ULK2: variants seen among roughly 807,000 people sequenced by gnomAD.
ULK2 encodes the protein unc-51 like autophagy activating kinase 2.
Under a neutral mutation model 127.5 loss-of-function variants are expected in ULK2, and 76 were observed. The observed-to-expected ratio is 0.60, with a 90% confidence interval of 0.50 to 0.72. The LOEUF (loss-of-function observed/expected upper bound fraction) is 0.72, where lower values mean the gene tolerates loss of function less well. Ranked by LOEUF, ULK2 falls within the 30% of genes least tolerant of loss-of-function variation. ULK2 has a pLI of 0.00. For synonymous variants in ULK2, 452 were observed against 461.9 expected (o/e 0.98, Z 0.28); for missense variants, 1,144 against 1,295.9 (o/e 0.88, Z 1.80).
intron 10 of ULK2, among the ~76,000 whole-genome samples, chr17:19,829,568 T>G (rs1597781360): frequency 7.7e-5 from 8 of 103,396 alleles, no homozygotes; most frequent in Non-Finnish European, 1.4e-4. Flanking sequence ...CTGGGCACGG[T>G]AGCTCACGCC....
chr17:19,785,932 C>T lies in ULK2; in HGVS notation c.2251+5G>A. ...AAAGACTGTAATATAACAAATGCTC[C>T]TTACCTGAGGTTGTTCTTGTTCGAA... On this transcript the variant is annotated splice_donor_5th_base_variant and intron_variant, in intron 21 of 26. Coordinates refer to ENST00000395544, the MANE Select transcript of ULK2 (RefSeq NM_014683.4). The T allele has an allele frequency of 6.3e-7, 1 of 1,594,426 alleles. No individual in the cohort carries two copies. Among genetic ancestry groups the T allele is most frequent in the Non-Finnish European group, 8.5e-7 (1 of 1,172,140 alleles).
At chr17:19,810,677 A>C (rs2087618648) in intron 13 of ULK2, among the ~76,000 whole-genome samples, 1 of 152,210 alleles carries the variant, frequency 6.6e-6, no homozygotes. Context: ...TCTTCAAAAT[A>C]AAATGCCATA....
Position 19,783,782 on chromosome 17 carries a change from T to A in ULK2, c.2375A>T (p.Tyr792Phe). ...PGAEAAPSLR[Y>F]VPYGASPPSL... Reference sequence around the variant, plus strand: ...GGGGGGTGAAGCACCGTAAGGCACGTATCTCAGGCTGGGAGCTGCCTCTGC... The same window carrying A: ...GGGGGGTGAAGCACCGTAAGGCACGAATCTCAGGCTGGGAGCTGCCTCTGC... Residue 792 changes from tyrosine to phenylalanine, a missense_variant, in exon 22 of 27, where the codon TAC (tyrosine) becomes TTC (phenylalanine). This residue lies in a region of ULK2 where 913 missense variants were observed against 970.5 expected (regional missense o/e 0.94). Transcript: ENST00000395544. 1.2e-6 allele frequency: 2 copies of A among 1,603,990 alleles called. No individual in the cohort carries two copies. The highest frequency in any genetic ancestry group is 1.7e-6 in the Non-Finnish European group (2 of 1,175,048).
chr17:19,815,506 C>T (rs1359585311), intron 13 of ULK2, among the ~76,000 whole-genome samples: 1 of 152,206 alleles, frequency 6.6e-6, no homozygotes, highest in Non-Finnish European at 1.5e-5. Flanking sequence ...TGGTCTCAAA[C>T]TCCTGACCTC....
At chr17:19,796,534 A>G (rs1597726317) in intron 18 of ULK2, among the ~76,000 whole-genome samples, 1 of 152,308 alleles carries the variant, frequency 6.6e-6, no homozygotes, top group East Asian at 1.9e-4. Context: ...AAGGGGATGT[A>G]AAAAAACTGA....
intron 20 of ULK2, among the ~76,000 whole-genome samples, chr17:19,788,181 G>C (rs992676836): frequency 1.3e-5 from 2 of 152,084 alleles, no homozygotes; most frequent in African/African-American, 4.8e-5. Flanking sequence ...CTGGTGCCGT[G>C]CTGGGCTTAA....
intron 25 of ULK2, among the ~76,000 whole-genome samples, chr17:19,778,398 T>A (rs972801166): frequency 6.6e-6 from 1 of 152,184 alleles, no homozygotes; most frequent in Non-Finnish European, 1.5e-5. Flanking sequence ...AGGTGCTGTT[T>A]GTGCTGAATC....
intron 3 of ULK2, among the ~76,000 whole-genome samples, chr17:19,864,444 C>A (rs1430452407): frequency 2.0e-5 from 3 of 151,314 alleles, no homozygotes; most frequent in Non-Finnish European, 4.4e-5. Flanking sequence ...CACTGCACTG[C>A]AGCCCAAGAG....
intron 16 of ULK2, among the ~76,000 whole-genome samples, chr17:19,800,786 G>C (rs2087381367): frequency 1.3e-5 from 2 of 152,022 alleles, no homozygotes; most frequent in African/African-American, 4.8e-5. Context: ...CCACCCCCAG[G>C]CCCTGCGTGC....
intron 7 of ULK2, 105 bp downstream of exon 7, chr17:19,845,199 G>A: frequency 1.0e-6 from 1 of 982,108 alleles, no homozygotes; most frequent in South Asian, 1.6e-5. Flanking sequence ...TAACAACTTG[G>A]ACTATATGTA....
chr17:19,845,349 A>G lies in ULK2; in HGVS notation c.498T>C (p.His166=), dbSNP rs769987310. 4 of 1,614,022 alleles carry G rather than the reference A, an allele frequency of 2.5e-6. No individual in the cohort carries two copies. In the South Asian group the frequency reaches 3.3e-5, roughly 13 times the overall value. The stretch of plus-strand genomic sequence containing the variant: ...ACAGTGTTGCAGCCATCATGTTACT[A>G]TGTAGGTAACGAGCAAAACCAAAAT... ...IADFGFARYL[H]SNMMAATLCG... The change falls in exon 7 of 27, where the codon CAT becomes CAC. Residue 166 remains histidine, a synonymous_variant. Coordinates refer to ENST00000395544, the MANE Select transcript of ULK2 (RefSeq NM_014683.4).
intron 10 of ULK2, among the ~76,000 whole-genome samples, chr17:19,828,831 C>A (rs2041358688): frequency 6.6e-6 from 1 of 152,194 alleles, no homozygotes; most frequent in Non-Finnish European, 1.5e-5. Context: ...CCCTTTAGGC[C>A]ATGTGAGGTG....
chr17:19,839,659 T>C (rs1265580518), intron 9 of ULK2, among the ~76,000 whole-genome samples: 2 of 100,650 alleles, frequency 2.0e-5, no homozygotes, highest in Non-Finnish European at 3.8e-5. Context: ...AGACTCTGTC[T>C]CAAAAAAAAA....
rs530544026 is a variant in ULK2, at chr17:19,799,760, A to C, written c.1442-185T>G. Among the ~76,000 whole-genome samples the C allele has an allele frequency of 6.6e-4, 100 of 152,364 alleles. 1 individual carries two copies. Among genetic ancestry groups the C allele is most frequent in the African/African-American group, 2.4e-3 (99 of 41,586 alleles). On this transcript the variant is annotated intron_variant, in intron 16 of 26. Transcript: ENST00000395544. The stretch of plus-strand genomic sequence containing the variant: ...CCAATCCGCTGGGTGCTGCACACTA[A>C]GATAAAAAGTATCATATAATCTGCC...
chr17:19,860,163 A>G (rs927606512), intron 3 of ULK2, among the ~76,000 whole-genome samples: 2 of 152,244 alleles, frequency 1.3e-5, no homozygotes, highest in African/African-American at 2.4e-5. Flanking sequence ...CAAATATACC[A>G]AAGAGTGGTT....
chr17:19,801,642 G>A, intron 16 of ULK2, 135 bp downstream of exon 16: 1 of 1,132,064 alleles, frequency 8.8e-7, no homozygotes, highest in East Asian at 2.5e-5. Context: ...GGTAAAGATG[G>A]AGGGACGGGG....
At chr17:19,788,051 T>C (rs2087072820) in intron 20 of ULK2, among the ~76,000 whole-genome samples, 1 of 152,204 alleles carries the variant, frequency 6.6e-6, no homozygotes, top group Non-Finnish European at 1.5e-5. Flanking sequence ...GGAAAGTGCC[T>C]GTCTGAGTGG....
chr17:19,846,650 A>AT, intron 6 of ULK2, 87 bp downstream of exon 6: 3 of 1,457,574 alleles, frequency 2.1e-6, no homozygotes, highest in Non-Finnish European at 2.7e-6. Flanking sequence ...AAAAAAAAAA[A>AT]AAAAATCCAT....
chr17:19,801,952 G>C, intron 15 of ULK2, 30 bp from the exon 16 acceptor site: 7 of 1,575,660 alleles, frequency 4.4e-6, no homozygotes, highest in Non-Finnish European at 6.0e-6. Context: ...TTCTATAAAA[G>C]GTTCTAGAAC....
Sources: gnomAD v4.1 joint callset for allele counts (sites outside exome capture counted in the v4.1 genomes callset) on GRCh38, gnomAD v4.1.1 for gene constraint, gnomAD v4.1.1 regional missense constraint, MANE v1.5 for transcripts, NCBI Gene and HGNC (gene_info 2026-07-23, HGNC 2026-07-21) for gene names.